Variants in ANKS1B observed in about 807,000 individuals in gnomAD.
ANKS1B encodes the protein ankyrin repeat and sterile alpha motif domain-containing protein 1B.
ANKS1B carries 36 observed loss-of-function variants against 148.3 expected under a neutral mutation model. That is an observed-to-expected ratio of 0.24 (90% confidence interval 0.19 to 0.32). The LOEUF is 0.32. Ranked by LOEUF, ANKS1B falls within the 10% of genes least tolerant of loss-of-function variation. The pLI is 1.00. For synonymous variants in ANKS1B, 542 were observed against 560.8 expected, an observed-to-expected ratio of 0.97 and a Z score of 0.47; for missense variants, 1,157 against 1,542.6, an observed-to-expected ratio of 0.75 and a Z score of 4.19.
At chr12:99,839,383 T>C (rs1383929811) in intron 1 of ANKS1B, among the ~76,000 whole-genome samples, 2 of 152,142 alleles carry the variant, frequency 1.3e-5, no homozygotes, top group African/African-American at 4.8e-5. Context: ...TTAGGCAAGG[T>C]ACTTCACTTC....
chr12:99,427,318 C>A (rs2095276315), intron 11 of ANKS1B, among the ~76,000 whole-genome samples: 1 of 152,160 alleles, frequency 6.6e-6, no homozygotes, highest in African/African-American at 2.4e-5. Context: ...AGCACTTTGC[C>A]CTCACACTGA....
At chr12:98,943,383 A>G (rs1017636174) in intron 17 of ANKS1B, among the ~76,000 whole-genome samples, 1 of 152,188 alleles carries the variant, frequency 6.6e-6, no homozygotes, top group Non-Finnish European at 1.5e-5. Context: ...TGCAAACCTA[A>G]TGGCTTAAAA....
At chr12:99,418,833 C>T (rs1008378267) in intron 11 of ANKS1B, among the ~76,000 whole-genome samples, 1 of 152,064 alleles carries the variant, frequency 6.6e-6, no homozygotes, top group Non-Finnish European at 1.5e-5. Flanking sequence ...AATTTCTATT[C>T]TTTTAAGAGG....
At chr12:99,829,243 G>C (rs1396443316) in intron 1 of ANKS1B, among the ~76,000 whole-genome samples, 2 of 151,936 alleles carry the variant, frequency 1.3e-5, no homozygotes, top group Non-Finnish European at 2.9e-5. Flanking sequence ...AGTCGCGGTG[G>C]CTCACGCCTG....
intron 8 of ANKS1B, among the ~76,000 whole-genome samples, chr12:99,752,836 C>G (rs77628794): frequency 0.011 from 1,747 of 151,972 alleles, 29 homozygotes; most frequent in African/African-American, 0.04. Context: ...TTGTAGGACA[C>G]TATGTGAATT....
At chr12:99,027,952 A>G (rs2099949740) in intron 17 of ANKS1B, among the ~76,000 whole-genome samples, 1 of 152,260 alleles carries the variant, frequency 6.6e-6, no homozygotes, top group Non-Finnish European at 1.5e-5. Flanking sequence ...ATATATCAAA[A>G]GATCTATGAA....
At chr12:99,580,176 A>G (rs1341799379) in intron 9 of ANKS1B, among the ~76,000 whole-genome samples, 1 of 152,146 alleles carries the variant, frequency 6.6e-6, no homozygotes, top group East Asian at 1.9e-4. Context: ...AGCAGGGAAC[A>G]AACACTGGGG....
intron 17 of ANKS1B, among the ~76,000 whole-genome samples, chr12:99,047,332 G>A (rs541968319): frequency 8.8e-4 from 133 of 151,942 alleles, no homozygotes; most frequent in African/African-American, 3.0e-3. Flanking sequence ...CCTGGGAGGC[G>A]GAGGTTGCAG....
chr12:99,704,151 A>G (rs2055331941), intron 8 of ANKS1B, among the ~76,000 whole-genome samples: 1 of 152,110 alleles, frequency 6.6e-6, no homozygotes, highest in African/African-American at 2.4e-5. Context: ...GAAAGTATGA[A>G]CATAATCAGC....
At chr12:99,900,722 G>A (rs1282019933) in intron 1 of ANKS1B, among the ~76,000 whole-genome samples, 1 of 152,202 alleles carries the variant, frequency 6.6e-6, no homozygotes, top group Non-Finnish European at 1.5e-5. Context: ...CAAAATCACA[G>A]TCACCAAGAG....
chr12:98,758,499 G>GC (rs1231657446), intron 25 of ANKS1B, among the ~76,000 whole-genome samples: 3 of 152,226 alleles, frequency 2.0e-5, no homozygotes, highest in African/African-American at 7.2e-5. Context: ...TGGGTCTCAT[G>GC]CCCAGTCTGG....
intron 11 of ANKS1B, among the ~76,000 whole-genome samples, chr12:99,420,453 C>T (rs2095047721): frequency 6.6e-6 from 1 of 152,154 alleles, no homozygotes; most frequent in Non-Finnish European, 1.5e-5. Context: ...GCACATAGCA[C>T]TTCCCCTGGA....
intron 17 of ANKS1B, among the ~76,000 whole-genome samples, chr12:99,052,451 G>C (rs2099966734): frequency 6.7e-6 from 1 of 148,792 alleles, no homozygotes; most frequent in Admixed American, 6.6e-5. Context: ...CAAGGGGCCG[G>C]GCGCGGTGGC....
At chr12:98,850,809 C>T (rs2099520575) in intron 17 of ANKS1B, among the ~76,000 whole-genome samples, 1 of 151,724 alleles carries the variant, frequency 6.6e-6, no homozygotes, top group African/African-American at 2.4e-5. Context: ...AAAAGATTCT[C>T]TCCAACTCTC....
At chr12:99,848,426 T>C (rs1177952997) in intron 1 of ANKS1B, among the ~76,000 whole-genome samples, 6 of 151,996 alleles carry the variant, frequency 3.9e-5, no homozygotes, top group Non-Finnish European at 8.8e-5. Flanking sequence ...AAATATGAGA[T>C]GAAGTTTTCA....
At chr12:99,887,935 G>C (rs2092912005) in intron 1 of ANKS1B, among the ~76,000 whole-genome samples, 1 of 152,138 alleles carries the variant, frequency 6.6e-6, no homozygotes, top group African/African-American at 2.4e-5. Context: ...CCCAAAGTAG[G>C]TATGACACAA....
chr12:99,390,718 A>C (rs1224815996), intron 12 of ANKS1B, among the ~76,000 whole-genome samples: 1 of 152,200 alleles, frequency 6.6e-6, no homozygotes, highest in Non-Finnish European at 1.5e-5. Flanking sequence ...GATTTTGGGG[A>C]TAAATCTTTC....
At chr12:99,554,265 G>A (rs187119029) in intron 9 of ANKS1B, among the ~76,000 whole-genome samples, 3 of 152,190 alleles carry the variant, frequency 2.0e-5, no homozygotes, top group Non-Finnish European at 4.4e-5. Context: ...GGAAGGTACA[G>A]TTATATATCT....
intron 14 of ANKS1B, among the ~76,000 whole-genome samples, chr12:99,179,611 G>T (rs1006842774): frequency 6.6e-6 from 1 of 152,038 alleles, no homozygotes; most frequent in Non-Finnish European, 1.5e-5. Context: ...CCATGTAACA[G>T]CTGGCTTAGT....
Sources: gnomAD v4.1 joint callset for allele counts (sites outside exome capture counted in the v4.1 genomes callset) on GRCh38, gnomAD v4.1.1 for gene constraint, MANE v1.5 for transcripts, NCBI Gene and HGNC (gene_info 2026-07-23, HGNC 2026-07-21) for gene names.